Variants in WNT8B observed in about 807,000 individuals in gnomAD.
The protein encoded by WNT8B is Wnt family member 8B, also known as protein Wnt-8b.
WNT8B carries 24 observed loss-of-function variants against 36.6 expected under a neutral mutation model. That is an observed-to-expected ratio of 0.66 (90% confidence interval 0.48 to 0.92). The LOEUF is 0.92. WNT8B is among the 40% of genes least tolerant of loss of function. The probability of loss-of-function intolerance (pLI) is 0.00; values close to 1 mark genes in which losing one functional copy is unlikely to be tolerated. For missense variants in WNT8B, 402 were observed against 470.8 expected (o/e 0.85, Z 1.35); for synonymous variants, 199 against 189.8 (o/e 1.05, Z -0.40).
chr10:100,481,835 A>G (rs562145760), intron 4 of WNT8B, 77 bp from the exon 5 acceptor site: 22 of 1,576,340 alleles, frequency 1.4e-5, no homozygotes, highest in South Asian at 1.3e-4. Context: ...CCCACCCCCA[A>G]CCCAATTAGA....
At chr10:100,466,031 T>C (rs977428554) in intron 1 of WNT8B, among the ~76,000 whole-genome samples, 3 of 152,112 alleles carry the variant, frequency 2.0e-5, no homozygotes, top group African/African-American at 7.2e-5. Flanking sequence ...ATACTGGGGT[T>C]CTGTCATAAG....
Position 100,482,669 on chromosome 10 carries a change from C to A in WNT8B, c.909C>A (p.Ala303=). 1 of 1,608,740 alleles carries A rather than the reference C, an allele frequency of 6.2e-7. No homozygotes were observed. Among genetic ancestry groups the A allele is most frequent in the East Asian group, 2.2e-5 (1 of 44,822 alleles). Residue 303 remains alanine, a synonymous_variant, in exon 6 of 6, where the codon GCC becomes GCA. Coordinates refer to ENST00000343737, the MANE Select transcript of WNT8B (RefSeq NM_003393.4). The surrounding 1 kb of genome is among the most constrained non-coding windows in gnomAD (Gnocchi z 6.6). ...GGCTGGCGGTGGAGGAGCGCCGGGC[C>A]GAGACCGTGTCCAGCTGCAACTGCA... ...DCGLAVEERR[A]ETVSSCNCKF...
At chr10:100,469,938 C>T (rs1850955301) in intron 1 of WNT8B, among the ~76,000 whole-genome samples, 2 of 152,344 alleles carry the variant, frequency 1.3e-5, no homozygotes, top group Middle Eastern at 6.8e-3. Flanking sequence ...GCTATAGCCC[C>T]TGGCAGTTTC....
chr10:100,477,940 C>CTGTTTT (rs1169521181), intron 1 of WNT8B, among the ~76,000 whole-genome samples: 2 of 145,110 alleles, frequency 1.4e-5, no homozygotes, highest in African/African-American at 5.5e-5. Context: ...CCATGCCTAG[C>CTGTTTT]TATTTTTTTT....
chr10:100,463,068 T>C lies in WNT8B; in HGVS notation c.-101T>C, dbSNP rs3793772. ...CTTACACACCAAGGAAGTTGGGCTT[T>C]GAGAATTCCATCCCACTGGCACTGA... On this transcript the variant is annotated 5_prime_UTR_variant, in exon 1 of 6. Transcript: ENST00000343737. 232,052 of 1,126,384 alleles carry C rather than the reference T, an allele frequency of 0.21. 24,534 individuals are homozygous for C. The highest frequency in any genetic ancestry group is 0.22 in the South Asian group (15,302 of 70,296). The allele number at this position is 1,126,384 out of a possible 1,614,324, so 69.8% of individuals were successfully genotyped here. A position where few individuals can be genotyped will look rare whatever the true frequency, so the allele number is the denominator to read the frequency against.
chr10:100,477,032 C>T (rs181327374), intron 1 of WNT8B, among the ~76,000 whole-genome samples: 72 of 152,324 alleles, frequency 4.7e-4, no homozygotes, highest in African/African-American at 1.5e-3. Flanking sequence ...TTACTCTTTA[C>T]AGCCACATCC....
At chr10:100,466,878 T>C (rs1448761258) in intron 1 of WNT8B, among the ~76,000 whole-genome samples, 1 of 152,152 alleles carries the variant, frequency 6.6e-6, no homozygotes, top group East Asian at 1.9e-4. Flanking sequence ...ACGATGCTTG[T>C]CTATTTCCAT....
intron 1 of WNT8B, among the ~76,000 whole-genome samples, chr10:100,473,146 G>A (rs1306280988): frequency 6.6e-6 from 1 of 152,166 alleles, no homozygotes. Context: ...CCATACTTAA[G>A]TATAAAAGAG....
chr10:100,472,155 G>T (rs938465763), intron 1 of WNT8B, among the ~76,000 whole-genome samples: 1 of 150,340 alleles, frequency 6.7e-6, no homozygotes, highest in Non-Finnish European at 1.5e-5. Context: ...CTGTCGCCCA[G>T]GCTGGAGGGC....
At chr10:100,474,082 G>A (rs1021713402) in intron 1 of WNT8B, among the ~76,000 whole-genome samples, 10 of 152,130 alleles carry the variant, frequency 6.6e-5, no homozygotes, top group African/African-American at 1.9e-4. Context: ...TTTGAGATGC[G>A]TATTAAACAC....
chr10:100,468,545 C>A (rs1850937128), intron 1 of WNT8B, among the ~76,000 whole-genome samples: 1 of 152,220 alleles, frequency 6.6e-6, no homozygotes, highest in Non-Finnish European at 1.5e-5. Flanking sequence ...AGGAAAGGAG[C>A]ATGAGTATAG....
At position 100,482,806 on chromosome 10, in the gene WNT8B, G is replaced by C. The variant is rs752894541; in HGVS notation, c.1046G>C (p.Arg349Thr). 6.4e-7 allele frequency: 1 copy of C among 1,570,306 alleles called. No homozygotes were observed. Among genetic ancestry groups the C allele is most frequent in the South Asian group, 1.2e-5 (1 of 85,820 alleles). ...PRGGAAHKPG[R>T]KP The stretch of plus-strand genomic sequence containing the variant: ...GGGGGCGCTGCGCACAAACCCGGGA[G>C]AAAACCCTAAGGGTTTCCTCTGCCC... Residue 349 changes from arginine (R) to threonine (T), a missense_variant, in exon 6 of 6, where the codon AGA becomes ACA. Physicochemically the swap from Arg to Thr is moderately conservative, Grantham distance 71. Around this residue, in one of 3 missense-constraint regions of WNT8B, gnomAD observed 256 missense variants for 278.6 expected, o/e 0.92. Transcript: ENST00000343737. This position sits in a 1 kb window ranked among gnomAD's most constrained non-coding sequence, Gnocchi z 6.6.
In WNT8B at chr10:100,480,010, G is replaced by C; in HGVS notation, c.239G>C (p.Ser80Thr). ...LQLSSHGGLR[S>T]ANRETAFVHA... is the part of the protein sequence containing the mutation. The stretch of plus-strand genomic sequence containing the variant: ...CTGTCCAGCCATGGTGGGCTTCGCA[G>C]TGGTAAGAAAAACCTCAGCCACAGC... Residue 80 changes from serine to threonine, a missense_variant and splice_region_variant, in exon 3 of 6, where the codon AGT becomes ACT. Transcript: ENST00000343737. 1.2e-6 allele frequency: 2 copies of C among 1,613,132 alleles called. No homozygotes were observed. The highest frequency in any genetic ancestry group is 1.7e-6 in the Non-Finnish European group (2 of 1,179,808).
At chr10:100,481,820 A>ACCCCCCC (rs549396722) in intron 4 of WNT8B, 92 bp from the exon 5 acceptor site, 3 of 1,519,368 alleles carry the variant, frequency 2.0e-6, no homozygotes, top group Non-Finnish European at 1.8e-6. Flanking sequence ...CCTATCCTGG[A>ACCCCCCC]CCCCCCCACC....
chr10:100,468,175 A>G (rs1213437267), intron 1 of WNT8B, among the ~76,000 whole-genome samples: 1 of 152,222 alleles, frequency 6.6e-6, no homozygotes, highest in Non-Finnish European at 1.5e-5. Context: ...GATTGAGGAG[A>G]GAACATTTTA....
chr10:100,472,023 C>T (rs1324457042), intron 1 of WNT8B, among the ~76,000 whole-genome samples: 5 of 151,824 alleles, frequency 3.3e-5, no homozygotes, highest in Non-Finnish European at 5.9e-5. Context: ...TATGAAACCC[C>T]ATCTCTACTA....
chr10:100,471,359 T>A (rs17113125), intron 1 of WNT8B, among the ~76,000 whole-genome samples: 8,548 of 152,320 alleles, frequency 0.056, 804 homozygotes, highest in African/African-American at 0.2. Flanking sequence ...GAACCCAGTG[T>A]GAGCAGCAAC....
intron 1 of WNT8B, among the ~76,000 whole-genome samples, chr10:100,478,624 C>T (rs1385515182): frequency 2.0e-5 from 3 of 151,988 alleles, no homozygotes; most frequent in Admixed American, 1.3e-4. Flanking sequence ...CTCTGCCGCC[C>T]AGGCTGGAGT....
intron 1 of WNT8B, among the ~76,000 whole-genome samples, chr10:100,477,629 T>G (rs1039784126): frequency 6.6e-6 from 1 of 152,098 alleles, no homozygotes; most frequent in African/African-American, 2.4e-5. Flanking sequence ...TTGAAGGACA[T>G]TGGGTAGTTT....
Sources: allele counts gnomAD v4.1 joint callset (sites outside exome capture counted in the v4.1 genomes callset), GRCh38; gene constraint gnomAD v4.1.1; regional missense constraint gnomAD v4.1.1; non-coding constraint Gnocchi (gnomAD v3.1); transcripts MANE v1.5; gene names NCBI Gene and HGNC (gene_info 2026-07-23, HGNC 2026-07-21).